Variants in KCNH1 observed in about 807,000 individuals in gnomAD.
KCNH1 encodes the protein potassium voltage-gated channel subfamily H member 1.
Under a neutral mutation model 69.2 loss-of-function variants are expected in KCNH1, and 27 were observed. The ratio of observed to expected loss-of-function variants is 0.39; its 90% CI spans 0.29 to 0.54. The LOEUF is 0.54. KCNH1 is among the 20% of genes least tolerant of loss of function. KCNH1 has a pLI of 0.68. For synonymous variants in KCNH1, 456 were observed against 487.7 expected (o/e 0.93, Z 0.86); for missense variants, 798 against 1,261.6 (o/e 0.63, Z 5.57).
intron 3 of KCNH1, among the ~76,000 whole-genome samples, chr1:211,097,904 T>C (rs552133726): frequency 7.2e-5 from 11 of 152,360 alleles, no homozygotes; most frequent in Admixed American, 7.2e-4. Flanking sequence ...TACTGACTGC[T>C]TTTATTCAGG....
intron 6 of KCNH1, among the ~76,000 whole-genome samples, chr1:211,007,270 G>A (rs1689302410): frequency 6.6e-6 from 1 of 152,180 alleles, no homozygotes; most frequent in South Asian, 2.1e-4. Context: ...ATCATAAGAT[G>A]TCTGCATGGC....
chr1:210,752,046 C>T (rs1017780339), intron 10 of KCNH1, among the ~76,000 whole-genome samples: 8 of 151,974 alleles, frequency 5.3e-5, no homozygotes, highest in Non-Finnish European at 8.8e-5. Context: ...AAGGACATGC[C>T]GAAGTGAGTA....
chr1:210,904,585 C>T (rs1687060186), intron 7 of KCNH1, among the ~76,000 whole-genome samples: 1 of 152,180 alleles, frequency 6.6e-6, no homozygotes, highest in African/African-American at 2.4e-5. Context: ...CACCTTCTTG[C>T]ACTTCATGGC....
intron 10 of KCNH1, among the ~76,000 whole-genome samples, chr1:210,708,109 C>T (rs1681959231): frequency 6.6e-6 from 1 of 152,164 alleles, no homozygotes; most frequent in South Asian, 2.1e-4. Context: ...ATTCTCCAAG[C>T]AAAGAAGGAA....
chr1:210,849,737 A>G (rs1393408064), intron 7 of KCNH1, among the ~76,000 whole-genome samples: 1 of 152,000 alleles, frequency 6.6e-6, no homozygotes. Context: ...AGCTACTTAG[A>G]TGGGAGAAGA....
At chr1:210,720,497 T>G (rs893427569) in intron 10 of KCNH1, among the ~76,000 whole-genome samples, 1 of 152,218 alleles carries the variant, frequency 6.6e-6, no homozygotes, top group African/African-American at 2.4e-5. Flanking sequence ...CCAAGTTCGC[T>G]TGGGGACAGT....
intron 5 of KCNH1, among the ~76,000 whole-genome samples, chr1:211,043,428 A>T (rs1028710499): frequency 3.9e-5 from 6 of 152,196 alleles, no homozygotes; most frequent in Admixed American, 6.5e-5. Context: ...CCCTAAACAG[A>T]TGAATAACAA....
intron 7 of KCNH1, among the ~76,000 whole-genome samples, chr1:210,849,597 C>T (rs1250604478): frequency 1.3e-5 from 2 of 152,004 alleles, no homozygotes; most frequent in Non-Finnish European, 2.9e-5. Context: ...AATTCCCGAC[C>T]TCAGGTGATC....
intron 6 of KCNH1, among the ~76,000 whole-genome samples, chr1:210,995,410 T>A (rs1689010970): frequency 6.6e-6 from 1 of 152,272 alleles, no homozygotes; most frequent in South Asian, 2.1e-4. Context: ...TGGATTCTAA[T>A]GCTGTGGGAA....
chr1:210,733,982 C>T (rs1184521771), intron 10 of KCNH1, among the ~76,000 whole-genome samples: 2 of 150,784 alleles, frequency 1.3e-5, no homozygotes, highest in South Asian at 2.1e-4. Context: ...CACACACACA[C>T]ACACACAGCC....
At chr1:210,771,601 G>T (rs1460399803) in intron 10 of KCNH1, among the ~76,000 whole-genome samples, 2 of 151,542 alleles carry the variant, frequency 1.3e-5, no homozygotes, top group Non-Finnish European at 2.9e-5. Flanking sequence ...AAAGAATAGG[G>T]TATCAATCAC....
chr1:210,788,467 T>C (rs1684144523), intron 9 of KCNH1, among the ~76,000 whole-genome samples: 1 of 152,178 alleles, frequency 6.6e-6, no homozygotes, highest in African/African-American at 2.4e-5. Flanking sequence ...CACTATAAAG[T>C]TATGAAAATT....
intron 7 of KCNH1, among the ~76,000 whole-genome samples, chr1:210,854,213 C>T (rs970752043): frequency 6.6e-6 from 1 of 152,072 alleles, no homozygotes; most frequent in Non-Finnish European, 1.5e-5. Flanking sequence ...TGTATTCCTC[C>T]TCCCAATCTC....
intron 9 of KCNH1, among the ~76,000 whole-genome samples, chr1:210,792,516 G>C (rs879707590): frequency 3.3e-5 from 5 of 152,142 alleles, no homozygotes; most frequent in Non-Finnish European, 5.9e-5. Context: ...AATTGATGCA[G>C]TGTGATAGGC....
At chr1:211,101,391 C>G (rs1691254964) in intron 3 of KCNH1, among the ~76,000 whole-genome samples, 1 of 152,174 alleles carries the variant, frequency 6.6e-6, no homozygotes, top group Admixed American at 6.5e-5. Flanking sequence ...TTCTTAATTC[C>G]TCAAGAGAGG....
At chr1:211,122,069 C>T (rs1165991733) in intron 1 of KCNH1, among the ~76,000 whole-genome samples, 4 of 151,846 alleles carry the variant, frequency 2.6e-5, no homozygotes, top group Admixed American at 1.3e-4. Flanking sequence ...ACCTGGGAGG[C>T]GGGGCTTGCA....
At chr1:210,701,440 T>C (rs1681774925) in intron 10 of KCNH1, among the ~76,000 whole-genome samples, 1 of 152,022 alleles carries the variant, frequency 6.6e-6, no homozygotes, top group Admixed American at 6.6e-5. Context: ...AGAGGGAGAG[T>C]GGCTTACTAA....
chr1:211,032,644 A>G (rs1381167089), intron 5 of KCNH1, among the ~76,000 whole-genome samples: 4 of 152,248 alleles, frequency 2.6e-5, no homozygotes, highest in African/African-American at 9.6e-5. Context: ...CAAACCTGAC[A>G]AAAACAAGAA....
chr1:211,113,204 A>C (rs957639022), intron 1 of KCNH1, among the ~76,000 whole-genome samples: 77 of 152,262 alleles, frequency 5.1e-4, no homozygotes, highest in African/African-American at 1.6e-3. Context: ...ATGCACAATA[A>C]CCATTTATAC....
Sources: gnomAD v4.1 joint callset for allele counts (sites outside exome capture counted in the v4.1 genomes callset) on GRCh38, gnomAD v4.1.1 for gene constraint, MANE v1.5 for transcripts, NCBI Gene and HGNC (gene_info 2026-07-23, HGNC 2026-07-21) for gene names.